Variants in SAMMSON observed in about 807,000 individuals in gnomAD.
SAMMSON encodes long intergenic non-protein coding RNA 1212.
At chr3:70,121,285 G>A (rs1386297990) in intron 4 of SAMMSON, among the ~76,000 whole-genome samples, 2 of 152,180 alleles carry the variant, frequency 1.3e-5, no homozygotes, top group African/African-American at 4.8e-5. Flanking sequence ...CCACAGATCA[G>A]TACTGGTCCC....
intron 3 of SAMMSON, among the ~76,000 whole-genome samples, chr3:70,043,834 A>G (rs1370681719): frequency 6.6e-6 from 1 of 151,978 alleles, no homozygotes; most frequent in Non-Finnish European, 1.5e-5. Context: ...TCTGTGTTCC[A>G]CTTATCTATA....
chr3:70,214,658 C>T (rs1249987524), intron 4 of SAMMSON, among the ~76,000 whole-genome samples: 1 of 150,794 alleles, frequency 6.6e-6, no homozygotes, highest in East Asian at 2.0e-4. Flanking sequence ...AGTTTTCTGC[C>T]CGCCACTATA....
intron 9 of SAMMSON, among the ~76,000 whole-genome samples, chr3:70,367,650 A>G (rs1233629712): frequency 6.6e-6 from 1 of 151,690 alleles, no homozygotes; most frequent in East Asian, 1.9e-4. Flanking sequence ...GGTGGATTCC[A>G]TAGCTTGACT....
intron 6 of SAMMSON, among the ~76,000 whole-genome samples, chr3:70,280,623 G>C (rs1702072672): frequency 6.6e-6 from 1 of 152,092 alleles, no homozygotes; most frequent in South Asian, 2.1e-4. Flanking sequence ...GTTCTTCTCT[G>C]TCCTCCTTTC....
intron 7 of SAMMSON, among the ~76,000 whole-genome samples, chr3:70,353,028 T>C (rs888437983): frequency 2.6e-5 from 4 of 152,026 alleles, no homozygotes; most frequent in Admixed American, 2.6e-4. Context: ...TGGACATCCA[T>C]AAGTTAAGAA....
intron 4 of SAMMSON, among the ~76,000 whole-genome samples, chr3:70,225,419 A>T (rs1301497539): frequency 2.6e-5 from 4 of 152,074 alleles, no homozygotes; most frequent in African/African-American, 4.8e-5. Flanking sequence ...TATTATTCAC[A>T]TTGATCTTTT....
At chr3:70,226,498 G>A (rs941432077) in intron 4 of SAMMSON, among the ~76,000 whole-genome samples, 5 of 152,162 alleles carry the variant, frequency 3.3e-5, no homozygotes, top group Non-Finnish European at 7.4e-5. Flanking sequence ...AACACTTTGG[G>A]AGGCTGAGGC....
At chr3:70,363,946 C>A (rs145161380) in intron 9 of SAMMSON, among the ~76,000 whole-genome samples, 1 of 151,602 alleles carries the variant, frequency 6.6e-6, no homozygotes, top group Non-Finnish European at 1.5e-5. Context: ...ATATTTCTAG[C>A]TTTTTTGTCT....
At chr3:70,342,934 A>G (rs1012022272) in intron 7 of SAMMSON, among the ~76,000 whole-genome samples, 2 of 152,196 alleles carry the variant, frequency 1.3e-5, no homozygotes, top group Non-Finnish European at 2.9e-5. Context: ...GCATTGGCAA[A>G]CATGAGTAGT....
At chr3:70,195,113 G>T (rs1219855252) in intron 4 of SAMMSON, among the ~76,000 whole-genome samples, 1 of 152,114 alleles carries the variant, frequency 6.6e-6, no homozygotes, top group East Asian at 1.9e-4. Context: ...TTCACTGTGT[G>T]GTCTTGAATA....
intron 4 of SAMMSON, among the ~76,000 whole-genome samples, chr3:70,073,498 A>C (rs1450055180): frequency 6.6e-6 from 1 of 152,028 alleles, no homozygotes; most frequent in African/African-American, 2.4e-5. Flanking sequence ...CAGGGAAAAG[A>C]GTATGAAGTG....
At position 70,245,671 on chromosome 3, in the gene SAMMSON, T is replaced by TTATATATA. The variant is rs34480688; in HGVS notation, n.508-3399_508-3392dup. On this transcript the variant is annotated intron_variant and non_coding_transcript_variant, in intron 4 of 9. Transcript: ENST00000642114. ...TTGCATAACGTTTTTGCAAACTGCT[T>TTATATATA]TATATATATATATATATATATATAT... is the stretch of plus-strand genomic sequence containing the variant. Among the ~76,000 whole-genome samples the TTATATATA allele has an allele frequency of 1.6e-3, 92 of 57,234 alleles. 2 individuals are homozygous for TTATATATA. Among genetic ancestry groups the TTATATATA allele is most frequent in the Non-Finnish European group, 2.3e-3 (67 of 29,266 alleles). 37.5% of individuals were successfully genotyped at this position (57,234 alleles called of 152,430 possible).
At chr3:70,413,988 C>A (rs192524839) in intron 2 of SAMMSON, among the ~76,000 whole-genome samples, 1 of 151,956 alleles carries the variant, frequency 6.6e-6, no homozygotes, top group South Asian at 2.1e-4. Context: ...ATCAGGCAAA[C>A]AGAAAGTAGG....
At chr3:70,100,149 T>C (rs1321196501) in intron 4 of SAMMSON, among the ~76,000 whole-genome samples, 1 of 152,026 alleles carries the variant, frequency 6.6e-6, no homozygotes, top group African/African-American at 2.4e-5. Flanking sequence ...ATTTTCATAC[T>C]CTTTTTTTTT....
At chr3:70,177,179 A>T (rs1348963524) in intron 4 of SAMMSON, among the ~76,000 whole-genome samples, 1 of 152,156 alleles carries the variant, frequency 6.6e-6, no homozygotes, top group Admixed American at 6.5e-5. Context: ...TGTCTTTTTT[A>T]GGTTGTTTTG....
chr3:70,364,075 A>T (rs1464900076), intron 9 of SAMMSON, among the ~76,000 whole-genome samples: 2 of 151,784 alleles, frequency 1.3e-5, no homozygotes, highest in Non-Finnish European at 2.9e-5. Context: ...TAATATTTCT[A>T]TCATTCCTAC....
chr3:70,331,333 G>T (rs568439138), intron 7 of SAMMSON, among the ~76,000 whole-genome samples: 2 of 152,098 alleles, frequency 1.3e-5, no homozygotes, highest in African/African-American at 2.4e-5. Flanking sequence ...CTGGTGTATC[G>T]CTAGGGCTTA....
Position 70,087,287 on chromosome 3 carries a change from A to G in SAMMSON, n.507+15722A>G, listed in dbSNP as rs565321629. On this transcript the variant is annotated intron_variant and non_coding_transcript_variant, in intron 4 of 9. Transcript: ENST00000642114. Reference sequence around the variant, plus strand: ...GTCTCATTCCAGAATTCTATCTGCAAATAAACATTAGCTTATTTAATTTGA... The same window carrying G: ...GTCTCATTCCAGAATTCTATCTGCAGATAAACATTAGCTTATTTAATTTGA... Among the ~76,000 whole-genome samples the G allele has an allele frequency of 5.9e-5, 9 of 152,348 alleles. No homozygotes were observed. The East Asian group carries it at 1.5e-3, about 26-fold the overall frequency.
At chr3:70,096,477 G>C (rs1285951565) in intron 4 of SAMMSON, among the ~76,000 whole-genome samples, 1 of 152,170 alleles carries the variant, frequency 6.6e-6, no homozygotes, top group South Asian at 2.1e-4. Context: ...CCAGGAAGTT[G>C]AAGCTGCAGT....
Sources: gnomAD v4.1 joint callset for allele counts (sites outside exome capture counted in the v4.1 genomes callset) on GRCh38, gnomAD v4.1.1 for gene constraint, MANE v1.5 for transcripts, NCBI Gene and HGNC (gene_info 2026-07-23, HGNC 2026-07-21) for gene names.